The following DHRS2 variants were observed in gnomAD, a reference collection of about 807,000 sequenced individuals.
DHRS2 encodes the protein dehydrogenase/reductase SDR family member 2, mitochondrial.
DHRS2 carries 29 observed loss-of-function variants against 26.3 expected under a neutral mutation model. The ratio of observed to expected loss-of-function variants is 1.10; its 90% confidence interval spans 0.82 to 1.50. The LOEUF (loss-of-function observed/expected upper bound fraction) is 1.50. Ranked by LOEUF, DHRS2 falls within the 40% of genes most tolerant of loss-of-function variation. The probability of loss-of-function intolerance (pLI) is 0.00; values close to 1 mark genes in which losing one functional copy is unlikely to be tolerated. For synonymous variants in DHRS2, 164 were observed against 151.3 expected (o/e 1.08, Z -0.62); for missense variants, 439 against 367.1 (o/e 1.20, Z -1.60).
intron 1 of DHRS2, among the ~76,000 whole-genome samples, chr14:23,637,329 CAGAA>C (rs1350680554): frequency 1.3e-5 from 2 of 152,192 alleles, no homozygotes; most frequent in African/African-American, 4.8e-5. Context: ...GCTCACCAAT[CAGAA>C]AGACATAATT....
intron 4 of DHRS2, chr14:23,640,873 C>G (rs1890627951): frequency 1.3e-5 from 2 of 152,260 alleles, no homozygotes; most frequent in Admixed American, 1.3e-4. Flanking sequence ...TCCAAAGGAT[C>G]ATTTGTGATT....
chr14:23,633,691 G>T (rs1445814192), upstream of DHRS2, among the ~76,000 whole-genome samples: 1 of 152,066 alleles, frequency 6.6e-6, no homozygotes, highest in Non-Finnish European at 1.5e-5. Flanking sequence ...CTGCTTCCTG[G>T]CTAGGATACT....
At position 23,638,344 on chromosome 14, in the gene DHRS2, G is replaced by A. The variant is rs554843772; in HGVS notation, c.-38-483G>A. 18 of 176,970 alleles carry A rather than the reference G, an allele frequency of 1.0e-4. No individual in the cohort carries two copies. The South Asian group carries it at 2.0e-3, about 20-fold the overall frequency. The allele number at this position is 176,970 out of a possible 1,614,324, so 11.0% of individuals were successfully genotyped here. A position where few individuals can be genotyped will look rare whatever the true frequency, so the allele number is the denominator to read the frequency against. On this transcript the variant is annotated intron_variant, in intron 1 of 8. Coordinates refer to ENST00000250383, the MANE Select transcript of DHRS2 (RefSeq NM_005794.4). ...ACTGTAACACTCATTGCGAGGGTCC[G>A]TGGCTTCATTCTTGAAGTCAGCGAG...
chr14:23,639,606 C>G (rs1409745867), intron 3 of DHRS2, among the ~76,000 whole-genome samples, 188 bp from the exon 4 acceptor site: 1 of 152,068 alleles, frequency 6.6e-6, no homozygotes, highest in African/African-American at 2.4e-5. Flanking sequence ...GGGAGGTCCC[C>G]AGAGGGACTC....
chr14:23,643,564 C>A, intron 5 of DHRS2: 1 of 312,196 alleles, frequency 3.2e-6, no homozygotes, highest in Non-Finnish European at 6.1e-6. Flanking sequence ...CAGGGTTAGC[C>A]CCATTCCTCT....
At chr14:23,643,051 G>A in intron 4 of DHRS2, 101 bp from the exon 5 acceptor site, 1 of 1,109,572 alleles carries the variant, frequency 9.0e-7, no homozygotes, top group Admixed American at 1.8e-5. Flanking sequence ...CACATACATT[G>A]GGTCTACTGC....
At chr14:23,639,117 G>C in intron 2 of DHRS2, 62 bp from the exon 3 acceptor site, 1 of 1,598,734 alleles carries the variant, frequency 6.3e-7, no homozygotes, top group Non-Finnish European at 8.5e-7. Flanking sequence ...TCCAGAGCTG[G>C]GTAGAGGAAG....
At chr14:23,642,863 C>A in intron 4 of DHRS2, 1 of 296,716 alleles carries the variant, frequency 3.4e-6, no homozygotes, top group Non-Finnish European at 6.4e-6. Flanking sequence ...CCACTGCCCC[C>A]AGTCCCCATT....
chr14:23,639,758 G>A, intron 3 of DHRS2, 36 bp from the exon 4 acceptor site: 1 of 1,568,232 alleles, frequency 6.4e-7, no homozygotes, highest in South Asian at 1.2e-5. Context: ...GTCCTCCTCA[G>A]GCCATCTCCA....
At chr14:23,643,012 T>A in intron 4 of DHRS2, 140 bp from the exon 5 acceptor site, 1 of 794,440 alleles carries the variant, frequency 1.3e-6, no homozygotes, top group Middle Eastern at 2.4e-4. Context: ...CTTGCACCAG[T>A]CAGAAGGGGG....
At chr14:23,635,174 C>G (rs1890238764), upstream of DHRS2, among the ~76,000 whole-genome samples, 1 of 152,050 alleles carries the variant, frequency 6.6e-6, no homozygotes, top group Non-Finnish European at 1.5e-5. Context: ...GCAATCGTCC[C>G]ATCTTAGTCT....
intron 1 of DHRS2, among the ~76,000 whole-genome samples, chr14:23,637,561 A>G (rs559029424): frequency 6.6e-6 from 1 of 152,230 alleles, no homozygotes; most frequent in East Asian, 1.9e-4. Flanking sequence ...TTGGGGCATA[A>G]CATCTTTATA....
chr14:23,630,948 G>A (rs933526539), intron 1 of DHRS2, among the ~76,000 whole-genome samples: 2 of 152,104 alleles, frequency 1.3e-5, no homozygotes, highest in East Asian at 1.9e-4. Flanking sequence ...TCTTGTTAAC[G>A]TAGATGAAGC....
At position 23,644,411 on chromosome 14, in the gene DHRS2, G is replaced by C; in HGVS notation, c.543G>C (p.Ala181=). 1 of 1,614,064 alleles carries C rather than the reference G, an allele frequency of 6.2e-7. No individual in the cohort carries two copies. The highest frequency in any genetic ancestry group is 8.5e-7 in the Non-Finnish European group (1 of 1,180,012). ...CACTCTGTCAATTCCCTTCCCAGGC[G>C]CTGGGTGTCTACAATGTCAGCAAGA... ...SSIAAYNPVV[A]LGVYNVSKTA... The change falls in exon 7 of 9, where the codon GCG becomes GCC. Residue 181 remains alanine, a splice_region_variant and synonymous_variant. Coordinates refer to ENST00000250383, the MANE Select transcript of DHRS2 (RefSeq NM_005794.4).
At chr14:23,631,641 G>A (rs1890121723), upstream of DHRS2, among the ~76,000 whole-genome samples, 1 of 151,886 alleles carries the variant, frequency 6.6e-6, no homozygotes, top group Admixed American at 6.6e-5. Flanking sequence ...TTAAGGGTGT[G>A]CCCATTCAGC....
At chr14:23,634,089 A>G (rs1240299280), upstream of DHRS2, among the ~76,000 whole-genome samples, 1 of 69,592 alleles carries the variant, frequency 1.4e-5, no homozygotes, top group Non-Finnish European at 2.4e-5. Flanking sequence ...TTTTTTTGAG[A>G]CGGAGTCTCC....
chr14:23,643,078 C>G (rs2138390845), intron 4 of DHRS2, 74 bp from the exon 5 acceptor site: 2 of 1,483,882 alleles, frequency 1.3e-6, no homozygotes, highest in South Asian at 2.3e-5. Flanking sequence ...TACAGGGCTC[C>G]AAGTGTCTTA....
At chr14:23,643,998 A>G (rs941843990) in intron 5 of DHRS2, 113 bp from the exon 6 acceptor site, 22 of 1,075,942 alleles carry the variant, frequency 2.0e-5, no homozygotes, top group Middle Eastern at 4.0e-4. Flanking sequence ...TGGGGACAGT[A>G]ATAGGACCTG....
Position 23,639,842 on chromosome 14 carries a change from G to T in DHRS2, c.367G>T (p.Val123Phe), listed in dbSNP as rs759096395. The T allele has an allele frequency of 3.7e-6, 6 of 1,610,666 alleles. No homozygotes were observed. In the Admixed American group the frequency reaches 1.0e-4, roughly 27 times the overall value. Residue 123 changes from valine (V) to phenylalanine (F), a missense_variant, in exon 4 of 9, where the codon GTC becomes TTC. Physicochemically the swap from Val to Phe is conservative, Grantham distance 50 (BLOSUM62 -1). Transcript: ENST00000250383. ...CGACTTCCTGGTGTGCAGCGCAGGGGTCAACCCTCTGGTAGGGAGCACTCT... is the reference window on the plus strand; with the variant it reads ...CGACTTCCTGGTGTGCAGCGCAGGGTTCAACCCTCTGGTAGGGAGCACTCT... ...GVDFLVCSAG[V>F]NPLVGSTLGT... is the part of the protein sequence containing the mutation.
Sources: gnomAD v4.1 joint callset for allele counts (sites outside exome capture counted in the v4.1 genomes callset) on GRCh38, gnomAD v4.1.1 for gene constraint, MANE v1.5 for transcripts, NCBI Gene and HGNC (gene_info 2026-07-23, HGNC 2026-07-21) for gene names.